The following ADAM32 variants were observed in gnomAD, a reference collection of about 807,000 sequenced individuals.
The protein encoded by ADAM32 is ADAM metallopeptidase domain 32.
Under a neutral mutation model 114.9 loss-of-function variants are expected in ADAM32, and 89 were observed. The observed-to-expected ratio is 0.77, with a 90% CI of 0.65 to 0.92. The LOEUF (loss-of-function observed/expected upper bound fraction) is 0.92, where lower values mean the gene tolerates loss of function less well. ADAM32 is among the 40% of genes least tolerant of loss of function. The pLI is 0.00. For missense variants in ADAM32, 870 were observed against 932.8 expected (o/e 0.93, Z 0.88); for synonymous variants, 285 against 307.5 (o/e 0.93, Z 0.77).
chr8:39,190,919 C>T (rs1238783796), intron 11 of ADAM32, among the ~76,000 whole-genome samples: 1 of 152,158 alleles, frequency 6.6e-6, no homozygotes, highest in African/African-American at 2.4e-5. Context: ...CTCCTCCCAC[C>T]TTCCACCCTC....
At chr8:39,158,523 C>A in intron 6 of ADAM32, 1 of 324,286 alleles carries the variant, frequency 3.1e-6, no homozygotes, top group South Asian at 3.1e-5. Context: ...CCTAGCCGGC[C>A]AGCTTCCCAC....
intron 19 of ADAM32, 26 bp from the exon 20 acceptor site, chr8:39,270,850 A>T (rs752410631): frequency 6.3e-7 from 1 of 1,593,944 alleles, no homozygotes; most frequent in Non-Finnish European, 8.6e-7. Context: ...AAGTACTAAC[A>T]TGAGACATTT....
intron 10 of ADAM32, among the ~76,000 whole-genome samples, chr8:39,185,568 A>G (rs1386560223): frequency 2.0e-5 from 3 of 152,184 alleles, no homozygotes; most frequent in Non-Finnish European, 4.4e-5. Flanking sequence ...ACAGTATGCC[A>G]GGAAAGCTCT....
At chr8:39,284,379 A>ACACACACACACACG (rs1491301696) in intron 24 of ADAM32, among the ~76,000 whole-genome samples, 2 of 116,724 alleles carry the variant, frequency 1.7e-5, no homozygotes, top group African/African-American at 1.3e-4. Flanking sequence ...ACACACACGT[A>ACACACACACACACG]CACACACACA....
At chr8:39,202,206 C>T (rs925403595) in intron 11 of ADAM32, among the ~76,000 whole-genome samples, 3 of 152,118 alleles carry the variant, frequency 2.0e-5, no homozygotes, top group Non-Finnish European at 2.9e-5. Flanking sequence ...GGAAGGATAC[C>T]AGCTTTTTCT....
chr8:39,180,689 C>G (rs1276689166), intron 10 of ADAM32, among the ~76,000 whole-genome samples: 1 of 152,218 alleles, frequency 6.6e-6, no homozygotes, highest in Non-Finnish European at 1.5e-5. Context: ...TGTAAACACA[C>G]CAATCAGCAC....
At chr8:39,216,393 T>C (rs1348508680) in intron 12 of ADAM32, among the ~76,000 whole-genome samples, 1 of 152,052 alleles carries the variant, frequency 6.6e-6, no homozygotes, top group Non-Finnish European at 1.5e-5. Context: ...TTTAGTTGAT[T>C]TACATTCCAT....
chr8:39,166,702 T>A (rs970917302), intron 9 of ADAM32: 2 of 152,184 alleles, frequency 1.3e-5, no homozygotes, highest in Non-Finnish European at 2.9e-5. Context: ...CAACATCTAC[T>A]GTTTTTTGAT....
chr8:39,154,588 G>A (rs1804027921), intron 6 of ADAM32, among the ~76,000 whole-genome samples: 3 of 152,082 alleles, frequency 2.0e-5, no homozygotes, highest in African/African-American at 7.2e-5. Flanking sequence ...TGGTATTTTT[G>A]GTTCTAGATC....
At chr8:39,275,216 A>G (rs1812998723) in intron 21 of ADAM32, among the ~76,000 whole-genome samples, 1 of 152,040 alleles carries the variant, frequency 6.6e-6, no homozygotes, top group Non-Finnish European at 1.5e-5. Context: ...GGAAGTCTCA[A>G]CTCTTGATAA....
chr8:39,143,946 A>G (rs1044663940), intron 3 of ADAM32, among the ~76,000 whole-genome samples: 16 of 152,172 alleles, frequency 1.1e-4, no homozygotes, highest in Admixed American at 6.5e-4. Context: ...CCTTCCCCCA[A>G]TTAAGCTGCA....
intron 13 of ADAM32, 150 bp from the exon 14 acceptor site, chr8:39,222,890 A>T: frequency 3.6e-6 from 2 of 552,836 alleles, no homozygotes; most frequent in Non-Finnish European, 6.0e-6. Flanking sequence ...ATATTTTTAT[A>T]TTATTAGCAT....
chr8:39,226,373 G>A (rs1020053174), intron 14 of ADAM32, among the ~76,000 whole-genome samples: 6 of 152,058 alleles, frequency 3.9e-5, no homozygotes, highest in African/African-American at 1.4e-4. Context: ...AGATATAAGT[G>A]TGCAGGTACA....
At chr8:39,117,993 A>G (rs924728533) in intron 1 of ADAM32, 93 bp from the exon 2 acceptor site, 28 of 809,114 alleles carry the variant, frequency 3.5e-5, no homozygotes, top group Admixed American at 1.9e-4. Flanking sequence ...AGCCACCCAT[A>G]CCTGCACAAG....
intron 11 of ADAM32, among the ~76,000 whole-genome samples, chr8:39,199,601 G>T (rs1005023187): frequency 6.6e-6 from 1 of 150,944 alleles, no homozygotes; most frequent in South Asian, 2.1e-4. Flanking sequence ...ATTATGAATT[G>T]TTTTCCTGAT....
chr8:39,244,290 A>G (rs899820708), intron 16 of ADAM32, among the ~76,000 whole-genome samples: 4 of 152,224 alleles, frequency 2.6e-5, no homozygotes, highest in Non-Finnish European at 5.9e-5. Context: ...ATGGAACCAA[A>G]AAAGAGCTGC....
chr8:39,209,986 A>G (rs1808103984), intron 11 of ADAM32, among the ~76,000 whole-genome samples: 1 of 152,174 alleles, frequency 6.6e-6, no homozygotes, highest in Non-Finnish European at 1.5e-5. Context: ...TGCTCACCTA[A>G]CACCCACAGT....
intron 3 of ADAM32, among the ~76,000 whole-genome samples, chr8:39,138,769 AACT>A (rs1802961790): frequency 6.6e-6 from 1 of 152,192 alleles, no homozygotes; most frequent in South Asian, 2.1e-4. Flanking sequence ...ACAATGGTTG[AACT>A]AATTTACACA....
chr8:39,257,289 C>T lies in ADAM32; in HGVS notation c.2108C>T (p.Ala703Val). ...ATTGTAACAACCGCAATAGTTTTGGCAAGGAAACAGTTGAAAAAGTGGTTC... is the reference window on the plus strand; with the variant it reads ...ATTGTAACAACCGCAATAGTTTTGGTAAGGAAACAGTTGAAAAAGTGGTTC... The part of the protein sequence containing the change: ...ILIVTTAIVL[A>V]RKQLKKWFAK... The change falls in exon 19 of 25, where the codon GCA (alanine) becomes GTA (valine). Residue 703 changes from alanine to valine, a missense_variant. Physicochemically the swap from Ala to Val is moderately conservative, Grantham distance 64. Transcript: ENST00000379907. The T allele has an allele frequency of 6.2e-7, 1 of 1,612,814 alleles. No individual in the cohort carries two copies. Among genetic ancestry groups the T allele is most frequent in the Non-Finnish European group, 8.5e-7 (1 of 1,179,354 alleles).
Sources: allele counts gnomAD v4.1 joint callset (sites outside exome capture counted in the v4.1 genomes callset), GRCh38; gene constraint gnomAD v4.1.1; transcripts MANE v1.5; gene names NCBI Gene and HGNC (gene_info 2026-07-23, HGNC 2026-07-21).